STARD6: variants seen among roughly 807,000 people sequenced by gnomAD.
STARD6 encodes the protein stAR-related lipid transfer protein 6.
In STARD6, 21 loss-of-function variants were observed where a neutral mutation model predicts 22.3. The ratio of observed to expected loss-of-function variants is 0.94; its 90% CI spans 0.67 to 1.35. The LOEUF is 1.35. Among genes scored for constraint, STARD6 ranks in the 40% most tolerant of loss-of-function variants. STARD6 has a pLI of 0.00. For missense variants in STARD6, 269 were observed against 266.9 expected (o/e 1.01, Z -0.05); for synonymous variants, 80 against 88.1 (o/e 0.91, Z 0.52).
intron 4 of STARD6, among the ~76,000 whole-genome samples, chr18:54,338,490 CG>C (rs2088937294): frequency 1.3e-5 from 2 of 151,992 alleles, no homozygotes; most frequent in African/African-American, 4.8e-5. Flanking sequence ...GCTACAGACT[CG>C]GGGGAAATAG....
At chr18:54,330,428 G>GT (rs1364753973) in intron 6 of STARD6, among the ~76,000 whole-genome samples, 1 of 152,032 alleles carries the variant, frequency 6.6e-6, no homozygotes, top group African/African-American at 2.4e-5. Context: ...ATATGGTGTG[G>GT]TAGTTAGCAC....
chr18:54,330,889 GACA>G (rs1471261145), intron 6 of STARD6, among the ~76,000 whole-genome samples: 1 of 152,034 alleles, frequency 6.6e-6, no homozygotes, highest in Non-Finnish European at 1.5e-5. Flanking sequence ...TCAAAAATGA[GACA>G]ACGAAACATA....
In STARD6 at chr18:54,354,121, A is replaced by G; in HGVS notation, c.91-18T>C. ...ATCTTTTTCTCAAAGGGGAATAAAA[A>G]TCCACAAATAATTAGCTGTCAAATG... On this transcript the variant is annotated intron_variant, in intron 3 of 7. Transcript: ENST00000307844. The G allele has an allele frequency of 6.7e-7, 1 of 1,502,628 alleles. No individual in the cohort carries two copies. Among genetic ancestry groups the G allele is most frequent in the South Asian group, 1.3e-5 (1 of 76,528 alleles). The allele number at this position is 1,502,628 out of a possible 1,614,324, so 93.1% of individuals were successfully genotyped here. A position where few individuals can be genotyped will look rare whatever the true frequency, so the allele number is the denominator to read the frequency against.
At chr18:54,328,473 T>G (rs1442737899) in intron 7 of STARD6, among the ~76,000 whole-genome samples, 1 of 152,204 alleles carries the variant, frequency 6.6e-6, no homozygotes, top group Non-Finnish European at 1.5e-5. Context: ...GATTCAAAAT[T>G]GACAAATGGG....
intron 4 of STARD6, among the ~76,000 whole-genome samples, chr18:54,341,558 T>A (rs907333427): frequency 2.0e-5 from 3 of 152,220 alleles, no homozygotes; most frequent in Non-Finnish European, 4.4e-5. Context: ...ATTCAAGGAT[T>A]CAAATTTTAC....
chr18:54,341,044 C>T (rs1157303932), intron 4 of STARD6, among the ~76,000 whole-genome samples: 1 of 152,038 alleles, frequency 6.6e-6, no homozygotes, highest in African/African-American at 2.4e-5. Context: ...TAATTAGATA[C>T]CTCAATAGGT....
chr18:54,339,952 G>A (rs1229036449), intron 4 of STARD6, among the ~76,000 whole-genome samples: 1 of 151,936 alleles, frequency 6.6e-6, no homozygotes, highest in East Asian at 1.9e-4. Context: ...ACAACAGAGG[G>A]GGATGGAAAT....
chr18:54,339,376 G>A (rs375534548), intron 4 of STARD6, among the ~76,000 whole-genome samples: 16 of 151,540 alleles, frequency 1.1e-4, no homozygotes, highest in Non-Finnish European at 7.4e-5. Flanking sequence ...CATTCAAGAA[G>A]TTCATTGAAT....
At chr18:54,327,676 C>T (rs915585984) in intron 7 of STARD6, among the ~76,000 whole-genome samples, 2 of 151,978 alleles carry the variant, frequency 1.3e-5, no homozygotes, top group African/African-American at 4.8e-5. Flanking sequence ...AATGTAATCC[C>T]TATGAAAAAT....
At chr18:54,336,675 C>T (rs567208778) in intron 5 of STARD6, among the ~76,000 whole-genome samples, 5 of 152,254 alleles carry the variant, frequency 3.3e-5, no homozygotes, top group African/African-American at 1.2e-4. Context: ...AAATGTGTGG[C>T]ATCTCCCCCT....
intron 4 of STARD6, among the ~76,000 whole-genome samples, chr18:54,342,429 C>G (rs112878442): frequency 0.011 from 239 of 21,364 alleles, 16 homozygotes; most frequent in African/African-American, 0.024. Context: ...CTCCGTCTCC[C>G]TCTCCCTCTC....
intron 4 of STARD6, among the ~76,000 whole-genome samples, chr18:54,352,712 A>G (rs779923998): frequency 5.9e-5 from 9 of 152,254 alleles, no homozygotes; most frequent in Non-Finnish European, 1.3e-4. Flanking sequence ...TTTTGCATGT[A>G]AGAGTAAAAT....
intron 2 of STARD6, among the ~76,000 whole-genome samples, chr18:54,356,107 A>G (rs2089140990): frequency 6.6e-6 from 1 of 152,254 alleles, no homozygotes; most frequent in Non-Finnish European, 1.5e-5. Flanking sequence ...GGACACATAT[A>G]AATCCATCAT....
intron 4 of STARD6, among the ~76,000 whole-genome samples, chr18:54,352,341 T>C (rs1329072268): frequency 6.6e-6 from 1 of 152,220 alleles, no homozygotes; most frequent in Admixed American, 6.5e-5. Flanking sequence ...TCTCTCCTTT[T>C]CTTGGTTAAT....
intron 4 of STARD6, among the ~76,000 whole-genome samples, chr18:54,348,167 T>C (rs1369887250): frequency 6.6e-6 from 1 of 152,166 alleles, no homozygotes; most frequent in African/African-American, 2.4e-5. Context: ...GTCTCAGGTA[T>C]GTCTTTATCA....
At position 54,324,721 on chromosome 18, in the gene STARD6, G is replaced by T. The variant is rs770888249; in HGVS notation, c.634C>A (p.Arg212Ser). Residue 212 changes from arginine (R) to serine (S), a missense_variant, in exon 8 of 8, where the codon CGT becomes AGT. Physicochemically the swap from Arg to Ser is moderately radical, Grantham distance 110. Transcript: ENST00000307844. ...GAATGACTATTATGATGAAATCCAC[G>T]TCTTGATGGAGTTCTGTGTGCCTTT... ...GIKAHRTPSR[R>S]GFHHNSHS The T allele has an allele frequency of 6.2e-7, 1 of 1,612,840 alleles. No homozygotes were observed. Among genetic ancestry groups the T allele is most frequent in the Non-Finnish European group, 8.5e-7 (1 of 1,179,510 alleles).
At chr18:54,328,358 C>T (rs2144664702) in intron 7 of STARD6, among the ~76,000 whole-genome samples, 1 of 152,282 alleles carries the variant, frequency 6.6e-6, no homozygotes, top group Admixed American at 6.5e-5. Context: ...GTGTAATTTT[C>T]CAACTCTAGT....
intron 6 of STARD6, among the ~76,000 whole-genome samples, chr18:54,331,311 C>T (rs2088862837): frequency 3.9e-5 from 6 of 151,976 alleles, no homozygotes; most frequent in Admixed American, 3.9e-4. Context: ...CCGGCAGTTT[C>T]TAAAAGAAAT....
At chr18:54,343,370 G>GAGC (rs1301398938) in intron 4 of STARD6, among the ~76,000 whole-genome samples, 3 of 136,822 alleles carry the variant, frequency 2.2e-5, no homozygotes, top group African/African-American at 8.8e-5. Context: ...GGAGGGAGGT[G>GAGC]GGGGGTCAGC....
Sources: allele counts gnomAD v4.1 joint callset (sites outside exome capture counted in the v4.1 genomes callset), GRCh38; gene constraint gnomAD v4.1.1; transcripts MANE v1.5; gene names NCBI Gene and HGNC (gene_info 2026-07-23, HGNC 2026-07-21).